The following DOCK8 variants were observed in gnomAD, a reference collection of about 807,000 sequenced individuals.
The protein encoded by DOCK8 is dedicator of cytokinesis protein 8.
DOCK8 carries 141 observed loss-of-function variants against 245.6 expected under a neutral mutation model. The observed-to-expected ratio is 0.57, with a 90% CI of 0.50 to 0.66. The LOEUF is 0.66. Ranked by LOEUF, DOCK8 falls within the 30% of genes least tolerant of loss-of-function variation. DOCK8 has a pLI of 0.00. For missense variants in DOCK8, 2,965 were observed against 2,603.4 expected (o/e 1.14, Z -3.02); for synonymous variants, 1,168 against 970.2 (o/e 1.20, Z -3.79).
chr9:307,006 TAAGGG>T (rs1390857660), intron 5 of DOCK8, among the ~76,000 whole-genome samples: 1 of 152,062 alleles, frequency 6.6e-6, no homozygotes, highest in Non-Finnish European at 1.5e-5. Context: ...GGAGGTAAGA[TAAGGG>T]TGATTCTGGA....
intron 40 of DOCK8, among the ~76,000 whole-genome samples, chr9:440,014 T>C (rs1194178833): frequency 6.6e-6 from 1 of 152,112 alleles, no homozygotes; most frequent in Non-Finnish European, 1.5e-5. Flanking sequence ...GAAACACTCT[T>C]GTCTATTTTC....
chr9:402,147 G>A (rs2055141550), intron 26 of DOCK8, among the ~76,000 whole-genome samples: 1 of 152,198 alleles, frequency 6.6e-6, no homozygotes, highest in Admixed American at 6.5e-5. Flanking sequence ...GGGAAATAAG[G>A]CAACCCAAGG....
intron 23 of DOCK8, among the ~76,000 whole-genome samples, chr9:390,009 A>G (rs1018490277): frequency 6.6e-6 from 1 of 151,942 alleles, no homozygotes; most frequent in Non-Finnish European, 1.5e-5. Flanking sequence ...GACAGAGTGC[A>G]GCCCTATCTC....
At chr9:463,465 T>C (rs1365638259) in intron 46 of DOCK8, 52 bp from the exon 47 acceptor site, 1 of 1,602,772 alleles carries the variant, frequency 6.2e-7, no homozygotes, top group Admixed American at 1.7e-5. Context: ...TTCTCAGATT[T>C]CTAAGCACTT....
intron 1 of DOCK8, among the ~76,000 whole-genome samples, chr9:234,712 A>G (rs10117930): frequency 0.086 from 13,033 of 152,122 alleles, 644 homozygotes; most frequent in African/African-American, 0.15. Flanking sequence ...TTCTGCATTC[A>G]TCACGTAGCT....
chr9:399,360 G>A (rs1241151257), intron 26 of DOCK8, 101 bp downstream of exon 26: 15 of 870,520 alleles, frequency 1.7e-5, no homozygotes, highest in Non-Finnish European at 1.9e-5. Context: ...TCATTACTGA[G>A]TTGGCATGAA....
At chr9:451,861 A>C in intron 45 of DOCK8, 150 bp from the exon 46 acceptor site, 1 of 247,608 alleles carries the variant, frequency 4.0e-6, no homozygotes, top group Non-Finnish European at 7.0e-6. Context: ...ATATTCATAT[A>C]TATGTGTGTG....
rs117144999 is a variant in DOCK8, at chr9:446,891, T to C, written c.5817+285T>C. ...TTATAATATTTAATATATATTTCAA[T>C]TATAAACTTGTACAACAGATATATT... On this transcript the variant is annotated intron_variant, in intron 44 of 47. Transcript: ENST00000432829. Among the ~76,000 whole-genome samples, 7,394 of 151,692 alleles carry C rather than the reference T, an allele frequency of 0.049. 240 individuals carry two copies. Among genetic ancestry groups the C allele is most frequent in the Middle Eastern group, 0.084 (24 of 286 alleles).
At chr9:366,243 A>G (rs1563969613) in intron 14 of DOCK8, 3 of 153,148 alleles carry the variant, frequency 2.0e-5, no homozygotes, top group African/African-American at 7.2e-5. Flanking sequence ...ATTGTCACAT[A>G]TCAGCCCAGA....
chr9:340,503 C>T (rs113933849), intron 14 of DOCK8, 182 bp downstream of exon 14: 46 of 713,924 alleles, frequency 6.4e-5, no homozygotes, highest in African/African-American at 6.0e-4. Context: ...TGCTTGTAAT[C>T]CCAGCAACTT....
intron 1 of DOCK8, among the ~76,000 whole-genome samples, chr9:250,475 A>G (rs1338768844): frequency 2.0e-5 from 3 of 152,186 alleles, no homozygotes; most frequent in Non-Finnish European, 4.4e-5. Flanking sequence ...CAGTAGACTC[A>G]TCAAAACAAG....
intron 1 of DOCK8, among the ~76,000 whole-genome samples, chr9:266,545 A>C (rs2048038101): frequency 6.6e-6 from 1 of 152,200 alleles, no homozygotes; most frequent in South Asian, 2.1e-4. Context: ...CAGGAATTCG[A>C]ATTTTTATCT....
chr9:327,155 C>T (rs1215120862), intron 8 of DOCK8, among the ~76,000 whole-genome samples: 3 of 152,262 alleles, frequency 2.0e-5, no homozygotes, highest in African/African-American at 7.2e-5. Context: ...GTTCAAGCCT[C>T]TGAGATATTT....
At chr9:287,289 G>A (rs1219331842) in intron 3 of DOCK8, among the ~76,000 whole-genome samples, 1 of 152,132 alleles carries the variant, frequency 6.6e-6, no homozygotes, top group African/African-American at 2.4e-5. Flanking sequence ...ATAGGCTTGG[G>A]CATTAGTTTT....
intron 26 of DOCK8, among the ~76,000 whole-genome samples, chr9:400,013 TCAC>T (rs760976824): frequency 2.0e-4 from 9 of 45,732 alleles, no homozygotes; most frequent in East Asian, 8.6e-4. Context: ...ACCTCCACCA[TCAC>T]CACCACCTCC....
At position 379,854 on chromosome 9, in the gene DOCK8, C is replaced by A; in HGVS notation, c.2524C>A (p.His842Asn). ...HNSKDLSKDQ[H>N]GRNCLLASYV... ...CAGCAAGGACCTGAGCAAGGACCAG[C>A]ATGGGAGGAACTGCCTGCTGGCTTC... Residue 842 changes from histidine (H) to asparagine (N), a missense_variant, in exon 21 of 48, where the codon CAT (histidine) becomes AAT (asparagine). Physicochemically the swap from His to Asn is moderately conservative, Grantham distance 68. This residue lies in a region of DOCK8 where 2,825 missense variants were observed against 2,453.5 expected (regional missense o/e 1.15). Coordinates refer to ENST00000432829, the MANE Select transcript of DOCK8 (RefSeq NM_203447.4). 1 of 1,614,226 alleles carries A rather than the reference C, an allele frequency of 6.2e-7. No individual in the cohort carries two copies. Among genetic ancestry groups the A allele is most frequent in the Admixed American group, 1.7e-5 (1 of 60,034 alleles).
intron 45 of DOCK8, among the ~76,000 whole-genome samples, chr9:450,532 C>T (rs1180991057): frequency 2.0e-5 from 3 of 152,256 alleles, no homozygotes; most frequent in Non-Finnish European, 4.4e-5. Flanking sequence ...CAGCCTAATA[C>T]CTCTGTCCAG....
intron 24 of DOCK8, among the ~76,000 whole-genome samples, chr9:393,161 A>G (rs2131371815): frequency 6.6e-6 from 1 of 151,812 alleles, no homozygotes; most frequent in Non-Finnish European, 1.5e-5. Flanking sequence ...AGCTATGGAT[A>G]ATTCATACAA....
chr9:462,241 C>T (rs1356114715), intron 46 of DOCK8, among the ~76,000 whole-genome samples: 2 of 152,138 alleles, frequency 1.3e-5, no homozygotes, highest in African/African-American at 4.8e-5. Context: ...TTGGCTGAAT[C>T]CTAGCAATTT....
Sources: gnomAD v4.1 joint callset for allele counts (sites outside exome capture counted in the v4.1 genomes callset) on GRCh38, gnomAD v4.1.1 for gene constraint, gnomAD v4.1.1 regional missense constraint, MANE v1.5 for transcripts, NCBI Gene and HGNC (gene_info 2026-07-23, HGNC 2026-07-21) for gene names.